Variants in MYO1D observed in about 807,000 individuals in gnomAD.
MYO1D encodes myosin ID.
In MYO1D, 83 loss-of-function variants were observed where a neutral mutation model predicts 122.0. The observed-to-expected ratio is 0.68, with a 90% CI of 0.57 to 0.82. MYO1D has a LOEUF of 0.82. Ranked by LOEUF, MYO1D falls within the 40% of genes least tolerant of loss-of-function variation. The pLI, the probability that MYO1D is intolerant of heterozygous loss-of-function variation, is 0.00. For missense variants in MYO1D, 1,157 were observed against 1,269.5 expected, an observed-to-expected ratio of 0.91 and a Z score of 1.35; for synonymous variants, 464 against 446.9, an observed-to-expected ratio of 1.04 and a Z score of -0.48.
At chr17:32,577,253 G>GAA (rs201927518) in intron 21 of MYO1D, among the ~76,000 whole-genome samples, 11 of 125,500 alleles carry the variant, frequency 8.8e-5, no homozygotes, top group African/African-American at 2.6e-4. Flanking sequence ...TCAGTCTCAG[G>GAA]AAAAAAAAAA....
chr17:32,620,705 T>C (rs1400921735), intron 20 of MYO1D, among the ~76,000 whole-genome samples: 1 of 152,182 alleles, frequency 6.6e-6, no homozygotes, highest in Non-Finnish European at 1.5e-5. Flanking sequence ...ATCTCTTCCA[T>C]TTTGTTTAGA....
chr17:32,657,311 T>C (rs552904960), intron 17 of MYO1D, among the ~76,000 whole-genome samples: 5 of 152,252 alleles, frequency 3.3e-5, no homozygotes, highest in Non-Finnish European at 7.3e-5. Context: ...AAATTCCTGA[T>C]AGTGCCTAGA....
intron 21 of MYO1D, among the ~76,000 whole-genome samples, chr17:32,515,622 T>C (rs1477151424): frequency 6.6e-6 from 1 of 152,176 alleles, no homozygotes; most frequent in Non-Finnish European, 1.5e-5. Flanking sequence ...CAAAGGATAA[T>C]GCTTTCTTCT....
At chr17:32,590,796 T>A (rs575405170) in intron 21 of MYO1D, among the ~76,000 whole-genome samples, 78 of 152,330 alleles carry the variant, frequency 5.1e-4, no homozygotes, top group Middle Eastern at 3.4e-3. Flanking sequence ...ACAGATAGCA[T>A]GGTATTATTC....
intron 20 of MYO1D, among the ~76,000 whole-genome samples, chr17:32,613,466 G>T (rs1340539123): frequency 6.6e-6 from 1 of 151,984 alleles, no homozygotes; most frequent in East Asian, 1.9e-4. Context: ...GGTAAGGGTG[G>T]TTCACTAGTA....
intron 21 of MYO1D, among the ~76,000 whole-genome samples, chr17:32,536,735 G>A (rs541367390): frequency 6.6e-6 from 1 of 152,094 alleles, no homozygotes; most frequent in Non-Finnish European, 1.5e-5. Flanking sequence ...TCTTAGAATC[G>A]GATCTGGGTC....
At chr17:32,561,747 A>G (rs2087128458) in intron 21 of MYO1D, among the ~76,000 whole-genome samples, 2 of 151,518 alleles carry the variant, frequency 1.3e-5, no homozygotes, top group South Asian at 4.2e-4. Context: ...AAGAAATCAA[A>G]TTTTATCCAT....
chr17:32,517,430 G>A (rs1909930889), intron 21 of MYO1D, among the ~76,000 whole-genome samples: 1 of 152,138 alleles, frequency 6.6e-6, no homozygotes, highest in Non-Finnish European at 1.5e-5. Context: ...TGGTGAGTGT[G>A]TCCCCACTTC....
intron 21 of MYO1D, among the ~76,000 whole-genome samples, chr17:32,563,296 G>A (rs778525227): frequency 2.2e-5 from 3 of 137,416 alleles, no homozygotes; most frequent in Non-Finnish European, 3.0e-5. Flanking sequence ...AGCAACCTCC[G>A]TCTCCCGGGT....
intron 14 of MYO1D, among the ~76,000 whole-genome samples, chr17:32,728,691 C>T (rs2089603580): frequency 6.6e-6 from 1 of 151,994 alleles, no homozygotes; most frequent in Non-Finnish European, 1.5e-5. Flanking sequence ...ACAACTAAAC[C>T]TTAGGTCAAA....
At chr17:32,590,536 T>C (rs1266655931) in intron 21 of MYO1D, among the ~76,000 whole-genome samples, 1 of 152,204 alleles carries the variant, frequency 6.6e-6, no homozygotes, top group African/African-American at 2.4e-5. Context: ...ACAGGGTTCT[T>C]CTTGGTATCC....
At chr17:32,791,179 C>A (rs1482771314) in intron 1 of MYO1D, among the ~76,000 whole-genome samples, 1 of 151,920 alleles carries the variant, frequency 6.6e-6, no homozygotes, top group East Asian at 1.9e-4. Flanking sequence ...GCCTGGCCAA[C>A]ATGGTGAAAC....
At chr17:32,674,557 T>C (rs1390761279) in intron 16 of MYO1D, among the ~76,000 whole-genome samples, 1 of 152,172 alleles carries the variant, frequency 6.6e-6, no homozygotes, top group African/African-American at 2.4e-5. Flanking sequence ...TTCTTGACAT[T>C]TGTTTGTACT....
intron 1 of MYO1D, among the ~76,000 whole-genome samples, chr17:32,821,647 T>G (rs2090666118): frequency 6.6e-6 from 1 of 152,098 alleles, no homozygotes; most frequent in Non-Finnish European, 1.5e-5. Flanking sequence ...CAGATCTAAA[T>G]TCAAACTACC....
At chr17:32,599,516 C>T (rs923049186) in intron 21 of MYO1D, among the ~76,000 whole-genome samples, 3 of 152,118 alleles carry the variant, frequency 2.0e-5, no homozygotes, top group Admixed American at 2.0e-4. Flanking sequence ...ATATTTTGAC[C>T]TCCTCCCATG....
At chr17:32,762,070 A>T in intron 8 of MYO1D, among the ~76,000 whole-genome samples, 1 of 151,994 alleles carries the variant, frequency 6.6e-6, no homozygotes, top group African/African-American at 2.4e-5. Context: ...GGGAAATTTA[A>T]TCTATGCAGT....
At chr17:32,645,226 T>A (rs1166933086) in intron 19 of MYO1D, among the ~76,000 whole-genome samples, 1 of 152,232 alleles carries the variant, frequency 6.6e-6, no homozygotes, top group African/African-American at 2.4e-5. Context: ...TCTTTAAGAA[T>A]GTTGAATATT....
intron 16 of MYO1D, among the ~76,000 whole-genome samples, chr17:32,702,425 C>T (rs921275991): frequency 5.3e-5 from 8 of 152,098 alleles, no homozygotes; most frequent in African/African-American, 1.9e-4. Context: ...AAATTAGAAA[C>T]AATCATATAA....
intron 7 of MYO1D, among the ~76,000 whole-genome samples, chr17:32,765,674 G>A (rs2090048591): frequency 6.6e-6 from 1 of 152,020 alleles, no homozygotes; most frequent in Non-Finnish European, 1.5e-5. Flanking sequence ...TAGCTAGGAT[G>A]GTCTCGACCT....
Sources: allele counts gnomAD v4.1 joint callset (sites outside exome capture counted in the v4.1 genomes callset), GRCh38; gene constraint gnomAD v4.1.1; transcripts MANE v1.5; gene names NCBI Gene and HGNC (gene_info 2026-07-23, HGNC 2026-07-21).